NOS1AP: variants seen among roughly 807,000 people sequenced by gnomAD.
The protein encoded by NOS1AP is carboxyl-terminal PDZ ligand of neuronal nitric oxide synthase protein.
Under a neutral mutation model 56.2 loss-of-function variants are expected in NOS1AP, and 21 were observed. The ratio of observed to expected loss-of-function variants is 0.37; its 90% CI spans 0.26 to 0.54. NOS1AP has a LOEUF of 0.54. Among genes scored for constraint, NOS1AP ranks in the 20% least tolerant of loss-of-function variants. The pLI is 0.84. For missense variants in NOS1AP, 522 were observed against 657.8 expected (o/e 0.79, Z 2.26); for synonymous variants, 270 against 274.6 (o/e 0.98, Z 0.17).
chr1:162,135,635 T>A (rs1307758693), intron 1 of NOS1AP, among the ~76,000 whole-genome samples: 1 of 152,186 alleles, frequency 6.6e-6, no homozygotes, highest in Non-Finnish European at 1.5e-5. Flanking sequence ...ATACAATTAC[T>A]CTCACCATCT....
chr1:162,096,274 G>T (rs1405920753), intron 1 of NOS1AP, among the ~76,000 whole-genome samples: 1 of 152,200 alleles, frequency 6.6e-6, no homozygotes, highest in Non-Finnish European at 1.5e-5. Context: ...TGATGGGGAA[G>T]TCTTCACTTT....
intron 1 of NOS1AP, among the ~76,000 whole-genome samples, chr1:162,119,369 G>A (rs928129276): frequency 1.3e-4 from 20 of 152,256 alleles, no homozygotes; most frequent in Admixed American, 5.9e-4. Context: ...TTACTACACA[G>A]ACATATTCTG....
At chr1:162,297,695 C>G (rs1364336345) in intron 3 of NOS1AP, among the ~76,000 whole-genome samples, 1 of 152,064 alleles carries the variant, frequency 6.6e-6, no homozygotes, top group African/African-American at 2.4e-5. Flanking sequence ...GCCGAGGCAA[C>G]TGTAGTTTAA....
intron 2 of NOS1AP, among the ~76,000 whole-genome samples, chr1:162,248,918 A>ACC (rs536325243): frequency 1.0e-4 from 15 of 150,084 alleles, no homozygotes; most frequent in Admixed American, 2.7e-4. Flanking sequence ...AAACCACAGC[A>ACC]CCCCCCCCTT....
chr1:162,162,358 C>T (rs1394977490), intron 2 of NOS1AP, among the ~76,000 whole-genome samples: 2 of 152,160 alleles, frequency 1.3e-5, no homozygotes, highest in Non-Finnish European at 2.9e-5. Flanking sequence ...ACGAAAGTAG[C>T]AGAAAAATGG....
intron 2 of NOS1AP, among the ~76,000 whole-genome samples, chr1:162,223,263 CA>C (rs538490577): frequency 9.9e-5 from 15 of 152,194 alleles, no homozygotes; most frequent in Non-Finnish European, 1.9e-4. Flanking sequence ...CCTCCCTCCC[CA>C]AACTTCTGTG....
At chr1:162,070,400 CT>C in intron 1 of NOS1AP, 118 bp downstream of exon 1, 2 of 805,688 alleles carry the variant, frequency 2.5e-6, no homozygotes, top group Non-Finnish European at 2.1e-6. Flanking sequence ...ATTTGGGGGC[CT>C]TTCTCTTAGG....
intron 2 of NOS1AP, among the ~76,000 whole-genome samples, chr1:162,234,433 C>A (rs1390414287): frequency 7.0e-6 from 1 of 141,928 alleles, no homozygotes; most frequent in Non-Finnish European, 1.6e-5. Flanking sequence ...TTGGATGTCT[C>A]TTTTATAGAA....
At chr1:162,141,294 G>A (rs950959656) in intron 1 of NOS1AP, among the ~76,000 whole-genome samples, 32 of 152,194 alleles carry the variant, frequency 2.1e-4, no homozygotes, top group African/African-American at 7.7e-4. Flanking sequence ...CTAGAAAGTG[G>A]TGCAGCTGGA....
intron 2 of NOS1AP, among the ~76,000 whole-genome samples, chr1:162,223,201 T>C (rs898614832): frequency 3.9e-5 from 6 of 152,194 alleles, no homozygotes; most frequent in African/African-American, 1.4e-4. Context: ...ATGGAGAGAA[T>C]CTAGTTACAG....
At chr1:162,141,528 T>C (rs760720037) in intron 1 of NOS1AP, among the ~76,000 whole-genome samples, 1 of 152,206 alleles carries the variant, frequency 6.6e-6, no homozygotes, top group Non-Finnish European at 1.5e-5. Flanking sequence ...CTAGTGCTGA[T>C]GTCTCTCTTC....
chr1:162,319,220 A>G (rs60566412), intron 4 of NOS1AP, among the ~76,000 whole-genome samples: 5,044 of 152,274 alleles, frequency 0.033, 278 homozygotes, highest in African/African-American at 0.11. Flanking sequence ...TAGCTCACAA[A>G]TGTAAGCAGC....
chr1:162,283,227 T>C (rs889117057), intron 2 of NOS1AP, among the ~76,000 whole-genome samples: 5 of 152,124 alleles, frequency 3.3e-5, no homozygotes, highest in African/African-American at 9.7e-5. Flanking sequence ...TTTAGGGAGC[T>C]ACACATTTTT....
At chr1:162,325,347 G>C (rs1300935347) in intron 4 of NOS1AP, among the ~76,000 whole-genome samples, 1 of 152,174 alleles carries the variant, frequency 6.6e-6, no homozygotes, top group Non-Finnish European at 1.5e-5. Flanking sequence ...GTGAAACTGT[G>C]TTCATGCTGC....
chr1:162,288,170 A>G (rs993696206), intron 3 of NOS1AP, among the ~76,000 whole-genome samples: 1 of 152,240 alleles, frequency 6.6e-6, no homozygotes, highest in African/African-American at 2.4e-5. Context: ...GTGTGTTTTC[A>G]AAAAGAAACA....
At chr1:162,093,831 G>T (rs12070613) in intron 1 of NOS1AP, among the ~76,000 whole-genome samples, 17,551 of 152,152 alleles carry the variant, frequency 0.12, 2,258 homozygotes, top group African/African-American at 0.31. Context: ...GGGATTACAG[G>T]CATGAGCCAC....
At chr1:162,182,269 T>A (rs1431137128) in intron 2 of NOS1AP, among the ~76,000 whole-genome samples, 1 of 152,234 alleles carries the variant, frequency 6.6e-6, no homozygotes, top group African/African-American at 2.4e-5. Flanking sequence ...TTATAATCGG[T>A]CACAATACTG....
chr1:162,269,761 A>ATT (rs540947808), intron 2 of NOS1AP, among the ~76,000 whole-genome samples: 1 of 149,168 alleles, frequency 6.7e-6, no homozygotes, highest in South Asian at 2.1e-4. Flanking sequence ...TATAGATACC[A>ATT]TTTTTTTTTT....
chr1:162,369,406 T>G lies in NOS1AP; in HGVS notation c.*1939T>G, dbSNP rs1647303053. On this transcript the variant is annotated 3_prime_UTR_variant, in exon 10 of 10. Transcript: ENST00000361897. ...TTATGAAATCTAACCCAGGGTTCCC[T>G]GAGTCCAAGACCACTTAGATTATTA... 6.6e-6 allele frequency: 1 copy of G among 152,194 alleles called. No individual in the cohort carries two copies. Among genetic ancestry groups the G allele is most frequent in the African/African-American group, 2.4e-5 (1 of 41,444 alleles). The allele number at this position is 152,194 out of a possible 1,614,324, so 9.4% of individuals were successfully genotyped here.
Sources: gnomAD v4.1 joint callset for allele counts (sites outside exome capture counted in the v4.1 genomes callset) on GRCh38, gnomAD v4.1.1 for gene constraint, MANE v1.5 for transcripts, NCBI Gene and HGNC (gene_info 2026-07-23, HGNC 2026-07-21) for gene names.